Variants in WNK2 observed in about 807,000 individuals in gnomAD.
WNK2 encodes serine/threonine-protein kinase WNK2.
A neutral mutation model predicts 192.1 loss-of-function variants in WNK2; 67 were observed. That is an observed-to-expected ratio of 0.35 (90% CI 0.29 to 0.43). The LOEUF is 0.43. Ranked by LOEUF, WNK2 falls within the 20% of genes least tolerant of loss-of-function variation. The probability of loss-of-function intolerance (pLI) is 1.00; values close to 1 mark genes in which losing one functional copy is unlikely to be tolerated. For missense variants in WNK2, 2,698 were observed against 3,089.7 expected (o/e 0.87, Z 3.01); for synonymous variants, 1,439 against 1,393.9 (o/e 1.03, Z -0.72).
At chr9:93,268,569 A>AC in intron 18 of WNK2, 58 bp from the exon 19 acceptor site, 6 of 1,564,808 alleles carry the variant, frequency 3.8e-6, no homozygotes, top group Non-Finnish European at 5.2e-6. Context: ...GATGGGGGTC[A>AC]CACTGGCCTG....
At chr9:93,203,368 C>G (rs113940928) in intron 2 of WNK2, among the ~76,000 whole-genome samples, 1,692 of 152,208 alleles carry the variant, frequency 0.011, 38 homozygotes, top group African/African-American at 0.039. Flanking sequence ...GAGCAGCCAC[C>G]CAGGCTGGGG....
chr9:93,253,861 G>T (rs1238714117), intron 9 of WNK2, among the ~76,000 whole-genome samples: 1 of 152,220 alleles, frequency 6.6e-6, no homozygotes, highest in Admixed American at 6.5e-5. Context: ...CCCAGCCACA[G>T]AGGGGTTGCC....
rs1828831891 is a variant in WNK2 at position 93,184,179 on chromosome 9, C to T, written c.-209C>T. On this transcript the variant is annotated 5_prime_UTR_variant, in exon 1 of 30. Coordinates refer to ENST00000427277, the MANE Select transcript of WNK2 (RefSeq NM_006648.4). ...GTCGGAGCCGGTGCGGGAGCGGAGC[C>T]GCGCGAAGCCGGCAGGAGCACGCGG... 6.7e-6 allele frequency among the ~76,000 whole-genome samples: 1 copy of T among 149,696 alleles called. No individual in the cohort carries two copies. The highest frequency in any genetic ancestry group is 2.4e-5 in the African/African-American group (1 of 41,002).
At chr9:93,186,144 C>T (rs903024023) in intron 2 of WNK2, among the ~76,000 whole-genome samples, 2 of 152,172 alleles carry the variant, frequency 1.3e-5, no homozygotes, top group Admixed American at 6.5e-5. Context: ...CTTCTTCTGA[C>T]CCAGGGCCTG....
chr9:93,317,931 C>G (rs533036047), intron 29 of WNK2: 4 of 1,604,852 alleles, frequency 2.5e-6, no homozygotes, highest in East Asian at 2.2e-5. Context: ...GAGTCCCCCC[C>G]ACCGCCTGCT....
intron 29 of WNK2, chr9:93,318,888 G>C: frequency 1.4e-6 from 2 of 1,400,952 alleles, no homozygotes; most frequent in Non-Finnish European, 1.8e-6. Flanking sequence ...GCTTGGGACT[G>C]CCCAGCTGTG....
chr9:93,305,178 A>G (rs1255928460), intron 26 of WNK2, among the ~76,000 whole-genome samples: 1 of 152,242 alleles, frequency 6.6e-6, no homozygotes, highest in Non-Finnish European at 1.5e-5. Flanking sequence ...AGATAGACAC[A>G]GAGCAGCTTT....
chr9:93,319,536 G>A (rs1855250513), intron 29 of WNK2, among the ~76,000 whole-genome samples: 1 of 152,264 alleles, frequency 6.6e-6, no homozygotes, highest in East Asian at 1.9e-4. Context: ...GCCACGGGCT[G>A]TGACCATGAT....
In WNK2 at chr9:93,239,036, C is replaced by T. The variant is rs1426850601; in HGVS notation, c.1322+715C>T. 2.0e-5 allele frequency among the ~76,000 whole-genome samples: 3 copies of T among 152,202 alleles called. No homozygotes were observed. Among genetic ancestry groups the T allele is most frequent in the South Asian group, 2.1e-4 (1 of 4,828 alleles). ...AGAGGAAGCCAGGCCCCAAAGAGTG[C>T]GTGCTGTGTGGTTCCATTTATAGGG... On this transcript the variant is annotated intron_variant, in intron 6 of 29. Coordinates refer to ENST00000427277, the MANE Select transcript of WNK2 (RefSeq NM_006648.4). The surrounding 1 kb of genome is among the most constrained non-coding windows in gnomAD (Gnocchi z 4.2).
intron 19 of WNK2, among the ~76,000 whole-genome samples, chr9:93,269,107 T>C (rs370780705): frequency 6.6e-6 from 1 of 152,062 alleles, no homozygotes; most frequent in Non-Finnish European, 1.5e-5. Flanking sequence ...CAGACACGCC[T>C]CTGCTGGTTC....
At chr9:93,188,735 G>T (rs906811561) in intron 2 of WNK2, among the ~76,000 whole-genome samples, 1 of 152,188 alleles carries the variant, frequency 6.6e-6, no homozygotes, top group Non-Finnish European at 1.5e-5. Flanking sequence ...TCGGCTCTGG[G>T]AGCGTCTGCC....
intron 19 of WNK2, among the ~76,000 whole-genome samples, chr9:93,278,672 A>G (rs1043688085): frequency 2.6e-5 from 4 of 152,208 alleles, no homozygotes; most frequent in Non-Finnish European, 5.9e-5. Context: ...CCAATATGTT[A>G]AATTTTACAT....
rs1489416219 is a variant in WNK2, at chr9:93,252,916, C to T, written c.1868C>T (p.Thr623Ile). The T allele has an allele frequency of 1.4e-5, 22 of 1,565,122 alleles. No individual in the cohort carries two copies. The highest frequency in any genetic ancestry group is 1.7e-5 in the Non-Finnish European group (20 of 1,156,892). The change falls in exon 9 of 30, where the codon ACC (threonine) becomes ATC (isoleucine). Residue 623 changes from threonine (T) to isoleucine (I), a missense_variant. This residue lies in a region of WNK2 where 893 missense variants were observed against 909.0 expected (regional missense o/e 0.98). Coordinates refer to ENST00000427277, the MANE Select transcript of WNK2 (RefSeq NM_006648.4). ...ACCTTCGACAGCGGCCAGGGCTCTA[C>T]CGTGTACTCAGACTCGCAGAGCAGC... ...DSTFDSGQGS[T>I]VYSDSQSSQQ...
In WNK2 at chr9:93,289,081, C is replaced by A. The variant is rs1465218688; in HGVS notation, c.4327C>A (p.Pro1443Thr). The change falls in exon 20 of 30, where the codon CCG becomes ACG. Residue 1443 changes from proline (P) to threonine (T), a missense_variant. Physicochemically the swap from Pro to Thr is conservative, Grantham distance 38. Around this residue, in one of 7 missense-constraint regions of WNK2, gnomAD observed 1,098 missense variants for 1,101.0 expected, o/e 1.00. Coordinates refer to ENST00000427277, the MANE Select transcript of WNK2 (RefSeq NM_006648.4). Reference protein sequence around the residue: ...SQPLAETHEAPLAVQPLVVGL... With the variant: ...SQPLAETHEATLAVQPLVVGL... ...GCCACTAGCGGAGACTCACGAGGCCCCGCTTGCTGTGCAGCCCCTCGTGGT... is the reference window on the plus strand; with the variant it reads ...GCCACTAGCGGAGACTCACGAGGCCACGCTTGCTGTGCAGCCCCTCGTGGT... The A allele has an allele frequency of 1.2e-6, 2 of 1,607,844 alleles. No individual in the cohort carries two copies. The highest frequency in any genetic ancestry group is 1.7e-5 in the Admixed American group (1 of 59,502).
chr9:93,205,536 C>T lies in WNK2; in HGVS notation c.681+19926C>T, dbSNP rs571589375. On this transcript the variant is annotated intron_variant, in intron 2 of 29. Coordinates refer to ENST00000427277, the MANE Select transcript of WNK2 (RefSeq NM_006648.4). ...CCCTGTCCGTCCCTGCACCCTGTGC[C>T]TGGCCCCCACTCTGTCCTTCGGCCC... Among the ~76,000 whole-genome samples, 8 of 152,332 alleles carry T rather than the reference C, an allele frequency of 5.3e-5. No individual in the cohort carries two copies. The East Asian group carries it at 1.5e-3, about 29-fold the overall frequency.
At chr9:93,297,172 CCTCCCCTCCACATT>C (rs1450028356) in intron 23 of WNK2, among the ~76,000 whole-genome samples, 1 of 140,014 alleles carries the variant, frequency 7.1e-6, no homozygotes, top group Non-Finnish European at 1.6e-5. Flanking sequence ...CCCTTCCCAT[CCTCCCCTCCACATT>C]CTCCTCTCTG....
chr9:93,241,933 G>C (rs1840842855), intron 7 of WNK2, among the ~76,000 whole-genome samples: 1 of 152,048 alleles, frequency 6.6e-6, no homozygotes, highest in African/African-American at 2.4e-5. Context: ...TGTGGCTGAG[G>C]ACTTTGGGCT....
chr9:93,237,337 G>C (rs748258639), intron 5 of WNK2, among the ~76,000 whole-genome samples: 7 of 152,102 alleles, frequency 4.6e-5, no homozygotes, highest in Non-Finnish European at 1.0e-4. Flanking sequence ...TAGCATTTCA[G>C]ATTCTGAAAT....
chr9:93,226,863 C>T (rs1837906980), intron 2 of WNK2, among the ~76,000 whole-genome samples: 1 of 152,184 alleles, frequency 6.6e-6, no homozygotes, highest in Admixed American at 6.5e-5. Flanking sequence ...GTTCATTCAC[C>T]TGGCCCCAAA....
Sources: allele counts gnomAD v4.1 joint callset (sites outside exome capture counted in the v4.1 genomes callset), GRCh38; gene constraint gnomAD v4.1.1; regional missense constraint gnomAD v4.1.1; non-coding constraint Gnocchi (gnomAD v3.1); transcripts MANE v1.5; gene names NCBI Gene and HGNC (gene_info 2026-07-23, HGNC 2026-07-21).